The following CTNNA2 variants were observed in gnomAD, a reference collection of about 807,000 sequenced individuals.
CTNNA2 encodes catenin alpha-2.
A neutral mutation model predicts 101.0 loss-of-function variants in CTNNA2; 42 were observed. The ratio of observed to expected loss-of-function variants is 0.42; its 90% CI spans 0.32 to 0.54. The LOEUF is 0.54. CTNNA2 is among the 20% of genes least tolerant of loss of function. The pLI is 0.14. For missense variants in CTNNA2, 871 were observed against 1,223.1 expected, an observed-to-expected ratio of 0.71 and a Z score of 4.29; for synonymous variants, 450 against 456.4, an observed-to-expected ratio of 0.99 and a Z score of 0.18.
At chr2:79,375,715 C>A (rs1208946490) in intron 4 of CTNNA2, among the ~76,000 whole-genome samples, 1 of 152,106 alleles carries the variant, frequency 6.6e-6, no homozygotes, top group Non-Finnish European at 1.5e-5. Context: ...TTGAGTATGT[C>A]AGTTAAATCC....
chr2:79,794,410 C>T (rs1411252388), intron 3 of CTNNA2, among the ~76,000 whole-genome samples: 1 of 151,828 alleles, frequency 6.6e-6, no homozygotes, highest in Non-Finnish European at 1.5e-5. Context: ...TTTATTTATT[C>T]ATTTATTACA....
intron 7 of CTNNA2, among the ~76,000 whole-genome samples, chr2:80,047,885 A>T (rs968736620): frequency 2.0e-5 from 3 of 152,238 alleles, no homozygotes; most frequent in African/African-American, 7.2e-5. Flanking sequence ...CAGGAGCGTG[A>T]GCAATCATGT....
chr2:79,379,011 C>T (rs942890784), intron 4 of CTNNA2, among the ~76,000 whole-genome samples: 1 of 152,102 alleles, frequency 6.6e-6, no homozygotes, highest in African/African-American at 2.4e-5. Flanking sequence ...ACTTGTTTTC[C>T]TATGCCAGTT....
intron 2 of CTNNA2, among the ~76,000 whole-genome samples, chr2:79,690,658 A>G (rs1413475203): frequency 2.0e-5 from 3 of 152,028 alleles, no homozygotes; most frequent in Admixed American, 6.6e-5. Context: ...CCCATTTTGC[A>G]GATGAGAAAG....
chr2:80,000,689 T>C (rs1186731419), intron 7 of CTNNA2, among the ~76,000 whole-genome samples: 1 of 152,142 alleles, frequency 6.6e-6, no homozygotes, highest in Non-Finnish European at 1.5e-5. Flanking sequence ...GGAGAAGTAG[T>C]GTACAGTGAT....
At chr2:79,916,505 T>A (rs558135759) in intron 7 of CTNNA2, among the ~76,000 whole-genome samples, 113 of 122,856 alleles carry the variant, frequency 9.2e-4, no homozygotes, top group African/African-American at 3.0e-3. Context: ...TTGAACAGAG[T>A]TTTCTAATTC....
At chr2:80,484,228 A>G (rs1261094937) in intron 9 of CTNNA2, among the ~76,000 whole-genome samples, 1 of 152,150 alleles carries the variant, frequency 6.6e-6, no homozygotes, top group Non-Finnish European at 1.5e-5. Flanking sequence ...TGGTCAATAC[A>G]TTTAAAGCAA....
chr2:79,517,789 C>G (rs552949171), intron 1 of CTNNA2, among the ~76,000 whole-genome samples: 2 of 152,296 alleles, frequency 1.3e-5, no homozygotes, highest in Non-Finnish European at 2.9e-5. Context: ...TAACTTCAGA[C>G]ACCTTAATTT....
chr2:79,769,657 A>G (rs1673429616), intron 3 of CTNNA2, among the ~76,000 whole-genome samples: 1 of 152,136 alleles, frequency 6.6e-6, no homozygotes, highest in Admixed American at 6.5e-5. Context: ...GTTTTGAACT[A>G]CTGGCCTCAT....
At chr2:80,192,379 G>T (rs1706563036) in intron 7 of CTNNA2, among the ~76,000 whole-genome samples, 1 of 152,068 alleles carries the variant, frequency 6.6e-6, no homozygotes, top group East Asian at 1.9e-4. Context: ...AGACTCTATT[G>T]CCCAGTGGTC....
At chr2:80,525,616 G>A (rs1038854550) in intron 9 of CTNNA2, among the ~76,000 whole-genome samples, 1 of 152,072 alleles carries the variant, frequency 6.6e-6, no homozygotes, top group African/African-American at 2.4e-5. Flanking sequence ...AATATCAAAT[G>A]TTTGCTTTTG....
intron 7 of CTNNA2, among the ~76,000 whole-genome samples, chr2:79,929,534 T>C (rs1687247620): frequency 6.6e-6 from 1 of 152,212 alleles, no homozygotes; most frequent in African/African-American, 2.4e-5. Context: ...CTGGATTGTG[T>C]GTTGTGAGCA....
chr2:80,198,900 G>A (rs1357523325), intron 7 of CTNNA2, among the ~76,000 whole-genome samples: 1 of 151,878 alleles, frequency 6.6e-6, no homozygotes, highest in African/African-American at 2.4e-5. Context: ...GCAGTGCATA[G>A]GGCTGGGCTT....
intron 9 of CTNNA2, among the ~76,000 whole-genome samples, chr2:80,535,984 C>T (rs1039142298): frequency 1.9e-4 from 29 of 152,166 alleles, no homozygotes; most frequent in African/African-American, 6.3e-4. Flanking sequence ...GCCCATCTTC[C>T]TGGAAGCTGA....
At chr2:79,683,766 G>C (rs1032702655) in intron 2 of CTNNA2, among the ~76,000 whole-genome samples, 1 of 152,212 alleles carries the variant, frequency 6.6e-6, no homozygotes, top group Admixed American at 6.5e-5. Context: ...GCAGGTGCTG[G>C]GGGAAAGGCA....
At chr2:79,651,429 T>C in intron 1 of CTNNA2, 123 bp from the exon 2 acceptor site, 6 of 858,972 alleles carry the variant, frequency 7.0e-6, no homozygotes, top group Non-Finnish European at 1.1e-5. Context: ...TTTGACCAGG[T>C]TGGACCAGAG....
intron 2 of CTNNA2, among the ~76,000 whole-genome samples, chr2:79,256,729 C>T (rs1021140211): frequency 1.3e-5 from 2 of 152,182 alleles, no homozygotes; most frequent in Non-Finnish European, 2.9e-5. Flanking sequence ...ACTCTGGATT[C>T]TGTAAATGCT....
At chr2:79,245,444 C>G (rs959993082) in intron 2 of CTNNA2, among the ~76,000 whole-genome samples, 1 of 152,138 alleles carries the variant, frequency 6.6e-6, no homozygotes, top group African/African-American at 2.4e-5. Flanking sequence ...AGCTAGACTC[C>G]ATCTCCAAAA....
intron 9 of CTNNA2, among the ~76,000 whole-genome samples, chr2:80,539,320 T>TG (rs1558564413): frequency 4.7e-5 from 5 of 106,890 alleles, no homozygotes; most frequent in African/African-American, 2.3e-4. Context: ...GCTTTTTTTT[T>TG]TTTGTTGTTG....
Sources: allele counts gnomAD v4.1 joint callset (sites outside exome capture counted in the v4.1 genomes callset), GRCh38; gene constraint gnomAD v4.1.1; transcripts MANE v1.5; gene names NCBI Gene and HGNC (gene_info 2026-07-23, HGNC 2026-07-21).